The following PHF3 variants were observed in gnomAD, a reference collection of about 807,000 sequenced individuals.
The protein encoded by PHF3 is PHD finger protein 3.
A neutral mutation model predicts 178.4 loss-of-function variants in PHF3; 41 were observed. The ratio of observed to expected loss-of-function variants is 0.23; its 90% CI spans 0.18 to 0.30. The LOEUF (loss-of-function observed/expected upper bound fraction) is 0.30. Ranked by LOEUF, PHF3 falls within the 10% of genes least tolerant of loss-of-function variation. The pLI is 1.00. For missense variants in PHF3, 2,346 were observed against 2,398.1 expected (o/e 0.98, Z 0.45); for synonymous variants, 842 against 800.5 (o/e 1.05, Z -0.88).
intron 2 of PHF3, among the ~76,000 whole-genome samples, chr6:63,679,292 T>A (rs1034021694): frequency 6.6e-6 from 1 of 152,122 alleles, no homozygotes; most frequent in Non-Finnish European, 1.5e-5. Context: ...TTTCTTTGAC[T>A]GTTCCTGAGT....
rs186127722 is a variant in PHF3 at position 63,692,917 on chromosome 6, T to G, written c.2496+874T>G. ...TCTGCAACACGATATGGAAGTTAAT[T>G]TAGATTGAAGAGCATGAGGATGTGT... On this transcript the variant is annotated intron_variant, in intron 5 of 15. Coordinates refer to ENST00000262043, the MANE Select transcript of PHF3 (RefSeq NM_001370348.2). Among the ~76,000 whole-genome samples, 11 of 152,318 alleles carry G rather than the reference T, an allele frequency of 7.2e-5. No individual in the cohort carries two copies. The East Asian group carries it at 2.1e-3, about 29-fold the overall frequency.
intron 11 of PHF3, among the ~76,000 whole-genome samples, chr6:63,704,712 G>A (rs779895618): frequency 6.6e-6 from 1 of 152,024 alleles, no homozygotes; most frequent in Non-Finnish European, 1.5e-5. Context: ...ACATTTGTAT[G>A]CAGCTTTTTG....
chr6:63,689,004 T>A (rs773509391), intron 4 of PHF3, among the ~76,000 whole-genome samples: 1 of 152,344 alleles, frequency 6.6e-6, no homozygotes, highest in African/African-American at 2.4e-5. Context: ...TTTTGTAATA[T>A]AGCTGTGTCA....
intron 2 of PHF3, among the ~76,000 whole-genome samples, chr6:63,653,196 G>C (rs138113725): frequency 1.3e-5 from 2 of 148,952 alleles, no homozygotes; most frequent in Non-Finnish European, 3.0e-5. Flanking sequence ...TTTTTGTGTG[G>C]TTTTGGGGAT....
intron 2 of PHF3, among the ~76,000 whole-genome samples, chr6:63,663,576 T>G (rs1184019174): frequency 6.6e-6 from 1 of 152,232 alleles, no homozygotes; most frequent in Non-Finnish European, 1.5e-5. Flanking sequence ...TCCTAGTCTC[T>G]GTTGCCATCA....
rs2149591723 is a variant in PHF3, at chr6:63,691,931, G to A, written c.2384G>A (p.Ser795Asn). 6.2e-7 allele frequency: 1 copy of A among 1,613,692 alleles called. No individual in the cohort carries two copies. Among genetic ancestry groups the A allele is most frequent in the East Asian group, 2.2e-5 (1 of 44,852 alleles). Residue 795 changes from serine to asparagine, a missense_variant, in exon 5 of 16, where the codon AGT becomes AAT. This residue lies in a region of PHF3 where 252 missense variants were observed against 232.0 expected (regional missense o/e 1.09). Transcript: ENST00000262043. Reference sequence around the variant, plus strand: ...AACCAAGCTACAGTTGAATTCCATAGTGGAGATAAAACAATGGAGTGTGAA... The same window carrying A: ...AACCAAGCTACAGTTGAATTCCATAATGGAGATAAAACAATGGAGTGTGAA... ...LENQATVEFH[S>N]GDKTMECEKL...
intron 6 of PHF3, 66 bp downstream of exon 6, chr6:63,694,830 T>C: frequency 2.2e-6 from 2 of 929,144 alleles, no homozygotes; most frequent in African/African-American, 1.7e-5. Flanking sequence ...TACAATTAAT[T>C]AGTATACTTA....
At chr6:63,646,845 TA>T in intron 2 of PHF3, 50 bp downstream of exon 2, 3 of 1,230,524 alleles carry the variant, frequency 2.4e-6, no homozygotes, top group East Asian at 3.2e-5. Flanking sequence ...CAATTTAAAA[TA>T]AAAAAATTTT....
intron 2 of PHF3, among the ~76,000 whole-genome samples, chr6:63,679,526 T>C (rs1407482713): frequency 1.3e-5 from 2 of 151,908 alleles, no homozygotes. Flanking sequence ...AAAGTACATC[T>C]GCATTGCTTG....
intron 1 of PHF3, among the ~76,000 whole-genome samples, chr6:63,640,706 T>G (rs1360358737): frequency 6.6e-6 from 1 of 152,226 alleles, no homozygotes; most frequent in Non-Finnish European, 1.5e-5. Context: ...TGGCAAATTA[T>G]TTAAACTCTT....
chr6:63,640,185 G>A (rs115359753), intron 1 of PHF3, among the ~76,000 whole-genome samples: 1 of 152,176 alleles, frequency 6.6e-6, no homozygotes, highest in South Asian at 2.1e-4. Context: ...TAGAGTAGAT[G>A]ACTAGGTTGA....
intron 4 of PHF3, among the ~76,000 whole-genome samples, chr6:63,687,241 T>C (rs1766753382): frequency 6.6e-6 from 1 of 152,128 alleles, no homozygotes; most frequent in South Asian, 2.1e-4. Context: ...CTGGCCAACA[T>C]GGTGAAACCC....
intron 4 of PHF3, among the ~76,000 whole-genome samples, chr6:63,691,441 C>A (rs184203936): frequency 1.3e-5 from 2 of 152,164 alleles, no homozygotes; most frequent in East Asian, 3.9e-4. Flanking sequence ...TTATAGTATT[C>A]AAGACTGACA....
In PHF3 at chr6:63,723,788, C is replaced by CATTATT. The variant is rs57873412; in HGVS notation, c.*10123_*10128dup. ...GTTATGGGTCATAAGTACACATTGG[C>CATTATT]ATTATTATTATTATTATTATTATTA... On this transcript the variant is annotated 3_prime_UTR_variant, in exon 16 of 16. Transcript: ENST00000262043. Among the ~76,000 whole-genome samples the CATTATT allele has an allele frequency of 0.013, 1,733 of 138,156 alleles. 17 individuals are homozygous for CATTATT. The highest frequency in any genetic ancestry group is 0.03 in the African/African-American group (1,119 of 37,440). 90.6% of individuals were successfully genotyped at this position (138,156 alleles called of 152,430 possible).
At chr6:63,681,828 T>C (rs894086036) in intron 3 of PHF3, among the ~76,000 whole-genome samples, 1 of 152,112 alleles carries the variant, frequency 6.6e-6, no homozygotes, top group Non-Finnish European at 1.5e-5. Flanking sequence ...ATTGCTCATG[T>C]TTAAGGGTAG....
chr6:63,721,795 C>G lies in PHF3; in HGVS notation c.*8087C>G, dbSNP rs1349879153. On this transcript the variant is annotated 3_prime_UTR_variant, in exon 16 of 16. Transcript: ENST00000262043. ...TTTACTAAAGAGATGCATAAAAAAT[C>G]ACCTGCAAGAAAGCAAACAGTAAGT... is the stretch of plus-strand genomic sequence containing the variant. 6.5e-7 allele frequency: 1 copy of G among 1,539,100 alleles called. No individual in the cohort carries two copies. The highest frequency in any genetic ancestry group is 2.5e-5 in the East Asian group (1 of 40,790).
chr6:63,706,988 T>C (rs1012929128), intron 13 of PHF3, 112 bp downstream of exon 13: 2 of 887,456 alleles, frequency 2.3e-6, no homozygotes, highest in Non-Finnish European at 3.5e-6. Context: ...TTAACAATGA[T>C]TTTTAAACAG....
intron 2 of PHF3, among the ~76,000 whole-genome samples, chr6:63,671,678 T>C (rs1765923011): frequency 6.6e-6 from 1 of 152,246 alleles, no homozygotes; most frequent in African/African-American, 2.4e-5. Context: ...AAGTAATTCA[T>C]GGTTACTAAA....
chr6:63,698,643 T>TAG, intron 8 of PHF3, 38 bp downstream of exon 8: 1 of 1,422,108 alleles, frequency 7.0e-7, no homozygotes, highest in Non-Finnish European at 9.5e-7. Context: ...GCTTCCAACT[T>TAG]TCCTGAGTAC....
Sources: gnomAD v4.1 joint callset for allele counts (sites outside exome capture counted in the v4.1 genomes callset) on GRCh38, gnomAD v4.1.1 for gene constraint, gnomAD v4.1.1 regional missense constraint, MANE v1.5 for transcripts, NCBI Gene and HGNC (gene_info 2026-07-23, HGNC 2026-07-21) for gene names.